Variants in OLAH observed in about 807,000 individuals in gnomAD.
OLAH encodes the protein S-acyl fatty acid synthase thioesterase, medium chain.
OLAH carries 33 observed loss-of-function variants against 27.8 expected under a neutral mutation model. The ratio of observed to expected loss-of-function variants is 1.19; its 90% CI spans 0.90 to 1.59. The LOEUF (loss-of-function observed/expected upper bound fraction) is 1.59. Ranked by LOEUF, OLAH falls within the 40% of genes most tolerant of loss-of-function variation. The pLI is 0.00. For synonymous variants in OLAH, 120 were observed against 102.9 expected (o/e 1.17, Z -1.01); for missense variants, 359 against 310.8 (o/e 1.16, Z -1.17).
At chr10:15,035,152 G>C (rs1843822790) in intron 1 of OLAH, among the ~76,000 whole-genome samples, 1 of 152,126 alleles carries the variant, frequency 6.6e-6, no homozygotes, top group Non-Finnish European at 1.5e-5. Flanking sequence ...GAAGGCAGTG[G>C]TGAGTTGGGG....
Position 15,047,318 on chromosome 10 carries a change from C to T in OLAH, c.30C>T (p.Thr10=). The change falls in exon 2 of 8, where the codon ACC becomes ACT. Residue 10 remains threonine, a splice_region_variant and synonymous_variant. Transcript: ENST00000378228. The part of the protein sequence containing the change: MERGDQPKR[T]RNENIFNCLY... ...AGAGAGGAGACCAACCTAAGAGAAC[C>T]AGGCAGGCCACCCCTTGTGCCACCA... 1.2e-6 allele frequency: 2 copies of T among 1,613,576 alleles called. No homozygotes were observed. The highest frequency in any genetic ancestry group is 1.7e-6 in the Non-Finnish European group (2 of 1,179,808).
chr10:15,043,871 T>C (rs1487233997), upstream of OLAH: 7 of 152,234 alleles, frequency 4.6e-5, no homozygotes, highest in African/African-American at 1.7e-4. Flanking sequence ...TTGTTTTCAT[T>C]GTTCTTTCAT....
At chr10:15,067,325 C>T (rs953703430) in intron 6 of OLAH, among the ~76,000 whole-genome samples, 2 of 152,084 alleles carry the variant, frequency 1.3e-5, no homozygotes, top group Non-Finnish European at 2.9e-5. Context: ...TTACTCACTG[C>T]GAGATTCTGA....
chr10:15,057,008 T>C, intron 3 of OLAH: 1 of 1,390,018 alleles, frequency 7.2e-7, no homozygotes, highest in Admixed American at 3.2e-5. Flanking sequence ...TGAAAATGTC[T>C]TCTAGTTTGT....
At chr10:15,044,328 T>C (rs1843974180) in intron 1 of OLAH, among the ~76,000 whole-genome samples, 1 of 152,168 alleles carries the variant, frequency 6.6e-6, no homozygotes, top group African/African-American at 2.4e-5. Flanking sequence ...AATTAAGGCA[T>C]GCATATTTAT....
intron 1 of OLAH, among the ~76,000 whole-genome samples, chr10:15,035,046 C>T (rs915213665): frequency 1.3e-5 from 2 of 152,116 alleles, no homozygotes; most frequent in African/African-American, 4.8e-5. Context: ...GTGATCCGCC[C>T]ACCTCGGCCT....
intron 3 of OLAH, 74 bp downstream of exon 3, chr10:15,049,839 G>A (rs894644634): frequency 1.4e-6 from 2 of 1,424,430 alleles, no homozygotes; most frequent in Non-Finnish European, 1.9e-6. Flanking sequence ...TTTGAAGTTT[G>A]GTCAAGACTT....
chr10:15,041,512 A>C (rs778476622), upstream of OLAH, among the ~76,000 whole-genome samples: 35 of 151,772 alleles, frequency 2.3e-4, no homozygotes, highest in Non-Finnish European at 4.7e-4. Context: ...TCCTGACCTC[A>C]GGTGATCCGC....
upstream of OLAH, among the ~76,000 whole-genome samples, chr10:15,043,077 G>T (rs1395292811): frequency 6.6e-6 from 1 of 151,818 alleles, no homozygotes; most frequent in African/African-American, 2.4e-5. Context: ...AGCCAGGGTG[G>T]TCTCAGTCTC....
chr10:15,037,779 C>G (rs921714724), intron 1 of OLAH, among the ~76,000 whole-genome samples: 1 of 152,106 alleles, frequency 6.6e-6, no homozygotes, highest in African/African-American at 2.4e-5. Context: ...GAATTCTCTA[C>G]GTATGGGGAT....
intron 3 of OLAH, among the ~76,000 whole-genome samples, chr10:15,059,825 TAAG>T (rs1335551656): frequency 6.6e-6 from 1 of 152,110 alleles, no homozygotes; most frequent in Non-Finnish European, 1.5e-5. Flanking sequence ...AATAAATAAA[TAAG>T]AAATGTTTTG....
At chr10:15,051,406 G>A (rs564732135) in intron 3 of OLAH, among the ~76,000 whole-genome samples, 19 of 152,312 alleles carry the variant, frequency 1.2e-4, no homozygotes, top group South Asian at 2.1e-4. Context: ...ATTTAATCCC[G>A]TCTCTGTGCT....
intron 3 of OLAH, among the ~76,000 whole-genome samples, chr10:15,059,440 G>A (rs1844319055): frequency 6.6e-6 from 1 of 151,688 alleles, no homozygotes; most frequent in Non-Finnish European, 1.5e-5. Flanking sequence ...TTCAGCCTCG[G>A]CCTCCCAAAG....
chr10:15,050,337 G>A (rs751705158), intron 3 of OLAH, among the ~76,000 whole-genome samples: 1 of 151,934 alleles, frequency 6.6e-6, no homozygotes, highest in African/African-American at 2.4e-5. Context: ...GTGCAATCTC[G>A]GCTCACTGCA....
At position 15,064,416 on chromosome 10, in the gene OLAH, A is replaced by T. The variant is rs372311875; in HGVS notation, c.316A>T (p.Ile106Phe). The change falls in exon 5 of 8, where the codon ATT becomes TTT. Residue 106 changes from isoleucine to phenylalanine, a missense_variant. Transcript: ENST00000378228. ...TGCTGAATTTAGTATGGGATCCTACATTGCTTTTAGGACTGCACTAGGTCT... is the reference window on the plus strand; with the variant it reads ...TGCTGAATTTAGTATGGGATCCTACTTTGCTTTTAGGACTGCACTAGGTCT... Reference protein sequence around the residue: ...AFFGHSMGSYIAFRTALGLKE... With the variant: ...AFFGHSMGSYFAFRTALGLKE... 6 of 1,595,350 alleles carry T rather than the reference A, an allele frequency of 3.8e-6. No individual in the cohort carries two copies. Among genetic ancestry groups the T allele is most frequent in the Non-Finnish European group, 5.1e-6 (6 of 1,171,966 alleles).
chr10:15,057,017 G>A (rs1844259662), intron 3 of OLAH: 1 of 1,372,200 alleles, frequency 7.3e-7, no homozygotes, highest in Non-Finnish European at 9.5e-7. Flanking sequence ...CTTCTAGTTT[G>A]TGCCACCTTT....
At chr10:15,040,300 C>T (rs1843901376), upstream of OLAH, among the ~76,000 whole-genome samples, 1 of 152,140 alleles carries the variant, frequency 6.6e-6, no homozygotes, top group South Asian at 2.1e-4. Flanking sequence ...ATCTGTTCAC[C>T]ATCTTTGTTT....
At chr10:15,070,820 CTG>C (rs1415874603) in intron 6 of OLAH, among the ~76,000 whole-genome samples, 1 of 130,866 alleles carries the variant, frequency 7.6e-6, no homozygotes, top group Non-Finnish European at 1.6e-5. Flanking sequence ...GGATCTTACT[CTG>C]TTGCTCAGGC....
At chr10:15,057,395 C>CTTT (rs10717821) in intron 3 of OLAH, among the ~76,000 whole-genome samples, 26 of 93,194 alleles carry the variant, frequency 2.8e-4, no homozygotes, top group East Asian at 6.4e-4. Flanking sequence ...TATTTCTGGG[C>CTTT]TTTTTTTTTT....
Sources: allele counts gnomAD v4.1 joint callset (sites outside exome capture counted in the v4.1 genomes callset), GRCh38; gene constraint gnomAD v4.1.1; transcripts MANE v1.5; gene names NCBI Gene and HGNC (gene_info 2026-07-23, HGNC 2026-07-21).